The following GAA variants were observed in gnomAD, a reference collection of about 807,000 sequenced individuals.
GAA encodes alpha glucosidase.
In GAA, 88 loss-of-function variants were observed where a neutral mutation model predicts 103.9. The ratio of observed to expected loss-of-function variants is 0.85; its 90% CI spans 0.71 to 1.01. The LOEUF is 1.01. GAA is among the 50% of genes least tolerant of loss of function. GAA has a pLI of 0.00. For synonymous variants in GAA, 572 were observed against 563.1 expected (o/e 1.02, Z -0.22); for missense variants, 1,350 against 1,305.3 (o/e 1.03, Z -0.53).
In GAA at chr17:80,117,014, T is replaced by C. The variant is rs1479740763; in HGVS notation, c.2236T>C (p.Trp746Arg). 1 of 1,613,664 alleles carries C rather than the reference T, an allele frequency of 6.2e-7. No homozygotes were observed. The highest frequency in any genetic ancestry group is 1.3e-5 in the African/African-American group (1 of 75,036). Residue 746 changes from tryptophan (W) to arginine (R), a missense_variant, in exon 16 of 20, where the codon TGG becomes CGG. Trp to Arg is a moderately radical substitution (Grantham distance 101). Coordinates refer to ENST00000302262, the MANE Select transcript of GAA (RefSeq NM_000152.5). ...CTGGACTGTGGACCACCAGCTCCTGTGGGGGGAGGCCCTGCTCATCACCCC... is the reference window on the plus strand; with the variant it reads ...CTGGACTGTGGACCACCAGCTCCTGCGGGGGGAGGCCCTGCTCATCACCCC... ...STWTVDHQLL[W>R]GEALLITPVL...
Position 80,119,734 on chromosome 17 carries a change from C to T in GAA, c.*403C>T. 2 of 271,616 alleles carry T rather than the reference C, an allele frequency of 7.4e-6. No individual in the cohort carries two copies. The highest frequency in any genetic ancestry group is 1.5e-5 in the Non-Finnish European group (2 of 137,526). 16.8% of individuals were successfully genotyped at this position (271,616 alleles called of 1,614,324 possible). Reference sequence around the variant, plus strand: ...CTCCTGCTTCGCGCCTGCTGCTCTGCCCCAACGCGACCGCTGCCCGGCTGC... The same window carrying T: ...CTCCTGCTTCGCGCCTGCTGCTCTGTCCCAACGCGACCGCTGCCCGGCTGC... On this transcript the variant is annotated 3_prime_UTR_variant, in exon 20 of 20. Coordinates refer to ENST00000302262, the MANE Select transcript of GAA (RefSeq NM_000152.5).
intron 11 of GAA, chr17:80,111,612 G>T: frequency 2.9e-6 from 1 of 344,166 alleles, no homozygotes; most frequent in Non-Finnish European, 5.5e-6. Flanking sequence ...CCTGGGAGAA[G>T]GTTTGGGGGC....
chr17:80,112,345 G>A (rs955148085), intron 12 of GAA: 15 of 645,212 alleles, frequency 2.3e-5, no homozygotes, highest in African/African-American at 7.3e-5. Context: ...CTGCATCAGC[G>A]GGGACCTCAT....
At chr17:80,103,167 G>A (rs954970388) in intron 1 of GAA, among the ~76,000 whole-genome samples, 2 of 152,204 alleles carry the variant, frequency 1.3e-5, no homozygotes, top group Non-Finnish European at 2.9e-5. Flanking sequence ...CTTCTTCCTG[G>A]TATGTGACCA....
At chr17:80,105,572 G>A (rs1000237347) in intron 2 of GAA, among the ~76,000 whole-genome samples, 177 bp from the exon 3 acceptor site, 4 of 152,168 alleles carry the variant, frequency 2.6e-5, no homozygotes, top group African/African-American at 4.8e-5. Context: ...TGGGGGAGGC[G>A]TCCTCCTCCT....
At chr17:80,112,797 C>G in intron 13 of GAA, 79 bp from the exon 14 acceptor site, 1 of 1,575,136 alleles carries the variant, frequency 6.3e-7, no homozygotes, top group Non-Finnish European at 8.6e-7. Context: ...ACCCACTTAG[C>G]AGGTGGGGCT....
Position 80,112,878 on chromosome 17 carries a change from A to G in GAA, c.1891A>G (p.Ile631Val). 1 of 1,608,246 alleles carries G rather than the reference A, an allele frequency of 6.2e-7. No homozygotes were observed. Among genetic ancestry groups the G allele is most frequent in the Non-Finnish European group, 8.5e-7 (1 of 1,177,644 alleles). Reference protein sequence around the residue: ...WEQLASSVPEILQFNLLGVPL... With the variant: ...WEQLASSVPEVLQFNLLGVPL... Reference sequence around the variant, plus strand: ...CCAGCCTGACTCTGCCCTCCCAGAAATCCTGCAGTTTAACCTGCTGGGGGT... The same window carrying G: ...CCAGCCTGACTCTGCCCTCCCAGAAGTCCTGCAGTTTAACCTGCTGGGGGT... Residue 631 changes from isoleucine to valine, a missense_variant and splice_region_variant, in exon 14 of 20, where the codon ATC (isoleucine) becomes GTC (valine). Transcript: ENST00000302262.
intron 11 of GAA, among the ~76,000 whole-genome samples, chr17:80,111,541 C>T (rs945673714): frequency 6.6e-6 from 1 of 152,100 alleles, no homozygotes; most frequent in Admixed American, 6.5e-5. Context: ...TGGGGCTTCT[C>T]GCCAAACTGT....
At position 80,108,379 on chromosome 17, in the gene GAA, A is replaced by C. The variant is rs1437656401; in HGVS notation, c.1045A>C (p.Ser349Arg). The C allele has an allele frequency of 1.2e-6, 2 of 1,613,486 alleles. No individual in the cohort carries two copies. Among genetic ancestry groups the C allele is most frequent in the Non-Finnish European group, 8.5e-7 (1 of 1,180,010 alleles). ...CATCTTCCTGGGCCCAGAGCCCAAG[A>C]GCGTGGTGCAGCAGTACCTGGACGT... Reference protein sequence around the residue: ...VYIFLGPEPKSVVQQYLDVVG... With the variant: ...VYIFLGPEPKRVVQQYLDVVG... Residue 349 changes from serine to arginine, a missense_variant, in exon 6 of 20, where the codon AGC (serine) becomes CGC (arginine). By Grantham distance (110) the Ser-to-Arg change is moderately radical. Coordinates refer to ENST00000302262, the MANE Select transcript of GAA (RefSeq NM_000152.5).
intron 8 of GAA, among the ~76,000 whole-genome samples, chr17:80,109,734 C>T (rs1409930349): frequency 6.6e-6 from 1 of 152,238 alleles, no homozygotes; most frequent in Non-Finnish European, 1.5e-5. Flanking sequence ...TCCATTCCGG[C>T]GCGCCCCTCA....
At chr17:80,118,948 G>A (rs2039422664) in intron 19 of GAA, 143 bp downstream of exon 19, 1 of 1,058,666 alleles carries the variant, frequency 9.4e-7, no homozygotes, top group Non-Finnish European at 1.4e-6. Flanking sequence ...GAGTGGGAAG[G>A]GTCAGGCCAC....
chr17:80,112,733 C>T (rs551595475), intron 13 of GAA, 22 bp downstream of exon 13: 1 of 1,598,414 alleles, frequency 6.3e-7, no homozygotes, highest in Non-Finnish European at 8.5e-7. Context: ...CCAGGAGGGG[C>T]TGCTCAGCAG....
Position 80,118,373 on chromosome 17 carries a change from G to A in GAA, c.2646+16G>A, listed in dbSNP as rs896496353. 6.4e-7 allele frequency: 1 copy of A among 1,559,198 alleles called. No homozygotes were observed. Among genetic ancestry groups the A allele is most frequent in the Non-Finnish European group, 8.7e-7 (1 of 1,151,380 alleles). ...GGCCAGGAATGTGAGTCCTGGGGCTGCTCAGGCTGGTGGGCAGGGGCCGGC... is the reference window on the plus strand; with the variant it reads ...GGCCAGGAATGTGAGTCCTGGGGCTACTCAGGCTGGTGGGCAGGGGCCGGC... On this transcript the variant is annotated intron_variant, in intron 18 of 19. Coordinates refer to ENST00000302262, the MANE Select transcript of GAA (RefSeq NM_000152.5).
rs769538068 is a variant in GAA, at chr17:80,108,844, CTG to C, written c.1326+19_1326+20del. Reference sequence around the variant, plus strand: ...GATGATCGTGGTGTGTGCCCCCACACTGTGGGTCTTTGGGAAGGGGGCCGCCC... The same window carrying C: ...GATGATCGTGGTGTGTGCCCCCACACTGGGTCTTTGGGAAGGGGGCCGCCC... On this transcript the variant is annotated intron_variant, in intron 8 of 19. Transcript: ENST00000302262. The C allele has an allele frequency of 2.5e-6, 4 of 1,576,384 alleles. No individual in the cohort carries two copies. The highest frequency in any genetic ancestry group is 3.4e-6 in the Non-Finnish European group (4 of 1,160,752).
In GAA at chr17:80,110,715, C is replaced by G. The variant is rs1177064482; in HGVS notation, c.1438-12C>G. The G allele has an allele frequency of 1.9e-5, 30 of 1,612,962 alleles. No individual in the cohort carries two copies. The highest frequency in any genetic ancestry group is 2.5e-5 in the Non-Finnish European group (29 of 1,179,432). On this transcript the variant is annotated splice_polypyrimidine_tract_variant and intron_variant, in intron 9 of 19. Transcript: ENST00000302262. The stretch of plus-strand genomic sequence containing the variant: ...GGGCCGGGTCTCCCCACTGCAGCCT[C>G]TCGTTGTCCAGGTATGGCCCGGGTC...
Position 80,119,654 on chromosome 17 carries a change from T to G in GAA, c.*323T>G. The G allele has an allele frequency of 1.1e-5, 4 of 371,430 alleles. No homozygotes were observed. Among genetic ancestry groups the G allele is most frequent in the Admixed American group, 3.7e-5 (1 of 26,838 alleles). The allele number at this position is 371,430 out of a possible 1,614,324, so 23.0% of individuals were successfully genotyped here. On this transcript the variant is annotated 3_prime_UTR_variant, in exon 20 of 20. Transcript: ENST00000302262. ...AGTATTAGCCACCCCCCTCCATCTG[T>G]TCCCAGCACCGGAGAAGGGGGTGCT...
intron 17 of GAA, among the ~76,000 whole-genome samples, chr17:80,117,954 A>G (rs528304826): frequency 4.1e-4 from 62 of 152,270 alleles, no homozygotes; most frequent in African/African-American, 1.5e-3. Context: ...GCAGGAGCTC[A>G]GTGGTCTGCA....
chr17:80,118,594 C>T, intron 18 of GAA, 59 bp from the exon 19 acceptor site: 1 of 1,597,582 alleles, frequency 6.3e-7, no homozygotes, highest in Non-Finnish European at 8.5e-7. Context: ...GTTCCTGCCC[C>T]AGCTGTCTGC....
chr17:80,115,012 C>T (rs1486611437), intron 15 of GAA, among the ~76,000 whole-genome samples: 1 of 152,200 alleles, frequency 6.6e-6, no homozygotes, highest in Non-Finnish European at 1.5e-5. Flanking sequence ...CCCAGATTCT[C>T]TGTCTTTGGC....
Sources: gnomAD v4.1 joint callset for allele counts (sites outside exome capture counted in the v4.1 genomes callset) on GRCh38, gnomAD v4.1.1 for gene constraint, MANE v1.5 for transcripts, NCBI Gene and HGNC (gene_info 2026-07-23, HGNC 2026-07-21) for gene names.